The following C8orf34 variants were observed in gnomAD, a reference collection of about 807,000 sequenced individuals.
C8orf34 encodes the protein chromosome 8 open reading frame 34, also known as uncharacterized protein C8orf34.
Under a neutral mutation model 68.3 loss-of-function variants are expected in C8orf34, and 65 were observed. The observed-to-expected ratio is 0.95, with a 90% CI of 0.78 to 1.17. C8orf34 has a LOEUF of 1.17. C8orf34 is among the 50% of genes most tolerant of loss of function. The pLI is 0.00. For missense variants in C8orf34, 664 were observed against 655.4 expected (o/e 1.01, Z -0.14); for synonymous variants, 244 against 241.2 (o/e 1.01, Z -0.11).
chr8:68,811,494 G>T (rs572002459), intron 12 of C8orf34, among the ~76,000 whole-genome samples: 2 of 152,260 alleles, frequency 1.3e-5, no homozygotes, highest in African/African-American at 4.8e-5. Flanking sequence ...GCTCCCATTG[G>T]CTCCATGGAG....
At chr8:68,371,048 A>G (rs2129619769) in intron 1 of C8orf34, among the ~76,000 whole-genome samples, 1 of 152,230 alleles carries the variant, frequency 6.6e-6, no homozygotes, top group South Asian at 2.1e-4. Context: ...GATGAGGTTA[A>G]TCAGGGCCCT....
intron 7 of C8orf34, among the ~76,000 whole-genome samples, chr8:68,588,658 A>C (rs950996560): frequency 6.6e-6 from 1 of 152,178 alleles, no homozygotes; most frequent in Admixed American, 6.5e-5. Flanking sequence ...ATGTGTGGTC[A>C]TTAGGGTCAT....
chr8:68,581,592 G>T (rs1817065400), intron 7 of C8orf34, among the ~76,000 whole-genome samples: 1 of 152,098 alleles, frequency 6.6e-6, no homozygotes, highest in Admixed American at 6.6e-5. Context: ...AGGGTGTCAA[G>T]GTCTATTTGT....
At chr8:68,529,071 A>T (rs185458525) in intron 6 of C8orf34, among the ~76,000 whole-genome samples, 464 of 152,286 alleles carry the variant, frequency 3.0e-3, no homozygotes, top group African/African-American at 0.011. Context: ...TCCCCTCAGC[A>T]TGAAAGTACG....
At chr8:68,640,188 C>T (rs1033753100) in intron 7 of C8orf34, among the ~76,000 whole-genome samples, 188 bp from the exon 8 acceptor site, 3 of 152,180 alleles carry the variant, frequency 2.0e-5, no homozygotes, top group Non-Finnish European at 4.4e-5. Context: ...AATCTTCACA[C>T]ATAATTTGTC....
rs181654043 is a variant in C8orf34 at position 68,343,620 on chromosome 8, G to A, written c.327+12281G>A. Among the ~76,000 whole-genome samples the A allele has an allele frequency of 3.2e-3, 479 of 148,022 alleles. 3 individuals carry two copies. The highest frequency in any genetic ancestry group is 0.012 in the African/African-American group (464 of 39,730). ...TTTTTTTTTTTTTTTTTAAGACAGAGTCTCGCTCTGCCGCCCAGGCTGGAG... is the reference window on the plus strand; with the variant it reads ...TTTTTTTTTTTTTTTTTAAGACAGAATCTCGCTCTGCCGCCCAGGCTGGAG... On this transcript the variant is annotated intron_variant, in intron 1 of 13. Transcript: ENST00000518698.
At chr8:68,691,323 G>C (rs1820679357) in intron 8 of C8orf34, among the ~76,000 whole-genome samples, 2 of 151,956 alleles carry the variant, frequency 1.3e-5, no homozygotes, top group South Asian at 4.1e-4. Context: ...TTTGAATTAA[G>C]GTATGTACAT....
At chr8:68,615,501 G>A (rs569416431) in intron 7 of C8orf34, among the ~76,000 whole-genome samples, 12 of 151,990 alleles carry the variant, frequency 7.9e-5, no homozygotes, top group Admixed American at 2.0e-4. Flanking sequence ...TAGCATGAAG[G>A]GTTGCTGAAT....
At chr8:68,460,221 A>G (rs36064239) in intron 3 of C8orf34, among the ~76,000 whole-genome samples, 77,106 of 152,008 alleles carry the variant, frequency 0.51, 19,810 homozygotes, top group East Asian at 0.68. Flanking sequence ...ACTGCAAGGC[A>G]GCAGCGAGGC....
At chr8:68,797,634 T>G (rs1824216733) in intron 12 of C8orf34, among the ~76,000 whole-genome samples, 1 of 152,224 alleles carries the variant, frequency 6.6e-6, no homozygotes, top group African/African-American at 2.4e-5. Context: ...ATATTTGAGA[T>G]AGTGGTACTG....
At chr8:68,483,881 A>G (rs568176178) in intron 4 of C8orf34, among the ~76,000 whole-genome samples, 2 of 152,334 alleles carry the variant, frequency 1.3e-5, no homozygotes, top group East Asian at 3.9e-4. Flanking sequence ...TGAAAGAACT[A>G]ATTTTTCCCT....
At chr8:68,737,934 C>A (rs180732038) in intron 10 of C8orf34, among the ~76,000 whole-genome samples, 2 of 152,074 alleles carry the variant, frequency 1.3e-5, no homozygotes, top group African/African-American at 2.4e-5. Context: ...ACCTGAGAGA[C>A]GCTTACAATA....
chr8:68,727,171 A>T (rs1359982293), intron 10 of C8orf34, among the ~76,000 whole-genome samples: 5 of 152,192 alleles, frequency 3.3e-5, no homozygotes, highest in Non-Finnish European at 7.3e-5. Context: ...AAATACAGCT[A>T]TTCCAAATGA....
At chr8:68,627,574 T>G (rs1474187863) in intron 7 of C8orf34, among the ~76,000 whole-genome samples, 2 of 152,214 alleles carry the variant, frequency 1.3e-5, no homozygotes, top group African/African-American at 4.8e-5. Context: ...TATAATCTTT[T>G]GTATTTGTGG....
intron 8 of C8orf34, among the ~76,000 whole-genome samples, chr8:68,674,683 T>A (rs1332829351): frequency 6.6e-6 from 1 of 151,954 alleles, no homozygotes; most frequent in African/African-American, 2.4e-5. Context: ...ATCCAAGAGT[T>A]ATTGAACTTA....
At chr8:68,501,967 AG>A (rs1813793658) in intron 5 of C8orf34, among the ~76,000 whole-genome samples, 1 of 152,200 alleles carries the variant, frequency 6.6e-6, no homozygotes, top group Admixed American at 6.5e-5. Context: ...TCAAAAAAAA[AG>A]ATATTTCTTA....
At chr8:68,459,977 C>T (rs1811726268) in intron 3 of C8orf34, among the ~76,000 whole-genome samples, 1 of 152,174 alleles carries the variant, frequency 6.6e-6, no homozygotes, top group Non-Finnish European at 1.5e-5. Flanking sequence ...CGAGCCGAAG[C>T]AGGACAAGGC....
At chr8:68,446,300 G>A in intron 2 of C8orf34, 29 bp from the exon 3 acceptor site, 2 of 1,546,930 alleles carry the variant, frequency 1.3e-6, no homozygotes, top group Middle Eastern at 1.9e-4. Context: ...TCACTTTGTT[G>A]CCATTTTATA....
intron 5 of C8orf34, among the ~76,000 whole-genome samples, chr8:68,496,570 C>G (rs960455449): frequency 6.6e-6 from 1 of 152,142 alleles, no homozygotes; most frequent in Non-Finnish European, 1.5e-5. Flanking sequence ...CAGCTGTAGA[C>G]AGTGTGCCAC....
Sources: gnomAD v4.1 joint callset for allele counts (sites outside exome capture counted in the v4.1 genomes callset) on GRCh38, gnomAD v4.1.1 for gene constraint, MANE v1.5 for transcripts, NCBI Gene and HGNC (gene_info 2026-07-23, HGNC 2026-07-21) for gene names.